PARG: variants seen among roughly 807,000 people sequenced by gnomAD.
PARG encodes poly(ADP-ribose) glycohydrolase, also known as mitochondrial poly(ADP-ribose) glycohydrolase.
Under a neutral mutation model 113.0 loss-of-function variants are expected in PARG, and 35 were observed. The ratio of observed to expected loss-of-function variants is 0.31; its 90% CI spans 0.24 to 0.41. The LOEUF (loss-of-function observed/expected upper bound fraction) is 0.41, where lower values mean the gene tolerates loss of function less well. PARG is among the 10% of genes least tolerant of loss of function. The pLI is 1.00. For missense variants in PARG, 797 were observed against 1,169.4 expected, an observed-to-expected ratio of 0.68 and a Z score of 4.64; for synonymous variants, 330 against 409.9, an observed-to-expected ratio of 0.81 and a Z score of 2.36.
Position 49,842,021 on chromosome 10 carries a change from T to A in PARG, c.2470A>T (p.Ile824Phe). Residue 824 changes from isoleucine (I) to phenylalanine (F), a missense_variant, in exon 15 of 18, where the codon ATC becomes TTC. Physicochemically the swap from Ile to Phe is conservative, Grantham distance 21. Transcript: ENST00000616448. ...WQRRCTEIVA[I>F]DALHFRRYLD... ...TAGCGTCTGAAGTGAAGAGCATCGATGGCAACGATCTCAGTGCAGCGCCGC... is the reference window on the plus strand; with the variant it reads ...TAGCGTCTGAAGTGAAGAGCATCGAAGGCAACGATCTCAGTGCAGCGCCGC... 1 of 1,550,534 alleles carries A rather than the reference T, an allele frequency of 6.4e-7. No homozygotes were observed. Among genetic ancestry groups the A allele is most frequent in the Non-Finnish European group, 8.7e-7 (1 of 1,146,912 alleles).
At chr10:49,834,557 C>T (rs1844824062) in intron 15 of PARG, among the ~76,000 whole-genome samples, 1 of 151,982 alleles carries the variant, frequency 6.6e-6, no homozygotes, top group African/African-American at 2.4e-5. Flanking sequence ...TGAAAAATGG[C>T]CATAAAAACA....
chr10:49,832,728 A>G, intron 16 of PARG, 75 bp downstream of exon 16: 2 of 721,206 alleles, frequency 2.8e-6, no homozygotes, highest in Non-Finnish European at 4.7e-6. Flanking sequence ...ATGACAGGAC[A>G]TGAGAAATCT....
At chr10:49,893,367 C>T (rs1316207334) in intron 7 of PARG, among the ~76,000 whole-genome samples, 3 of 152,136 alleles carry the variant, frequency 2.0e-5, no homozygotes, top group Non-Finnish European at 2.9e-5. Context: ...GTATACCTTC[C>T]TTTGTGAAAT....
chr10:49,889,763 C>T (rs187391405), intron 7 of PARG, among the ~76,000 whole-genome samples: 703 of 152,268 alleles, frequency 4.6e-3, no homozygotes, highest in East Asian at 0.018. Flanking sequence ...GCTACTGCAG[C>T]GCTCTGCTGA....
chr10:49,893,138 AG>A (rs1170503850), intron 7 of PARG, among the ~76,000 whole-genome samples: 5 of 152 alleles, frequency 0.033, no homozygotes, highest in Admixed American at 0.14. Flanking sequence ...GTATATGTTC[AG>A]TTTTTCTAAA....
chr10:49,910,911 A>G (rs1837142376), intron 7 of PARG, among the ~76,000 whole-genome samples: 1 of 152,168 alleles, frequency 6.6e-6, no homozygotes, highest in Non-Finnish European at 1.5e-5. Context: ...CATGCCCTTC[A>G]GTTACTACAG....
intron 10 of PARG, among the ~76,000 whole-genome samples, chr10:49,868,284 G>T (rs1267425026): frequency 3.3e-5 from 5 of 152,202 alleles, no homozygotes; most frequent in Non-Finnish European, 7.3e-5. Context: ...ACCGTGCCTG[G>T]CCTTACGTAG....
intron 16 of PARG, among the ~76,000 whole-genome samples, chr10:49,823,079 A>G (rs1274581754): frequency 1.3e-5 from 2 of 152,196 alleles, no homozygotes; most frequent in Admixed American, 6.5e-5. Flanking sequence ...AGTAAATAAG[A>G]TATCAGTGTA....
chr10:49,842,409 C>A (rs1338568362), intron 14 of PARG, among the ~76,000 whole-genome samples: 1 of 152,154 alleles, frequency 6.6e-6, no homozygotes, highest in Non-Finnish European at 1.5e-5. Flanking sequence ...TAAGGACATG[C>A]CACTTGCATC....
chr10:49,891,624 T>TATATATATATA (rs1491390977), intron 7 of PARG, among the ~76,000 whole-genome samples: 1 of 43,362 alleles, frequency 2.3e-5, no homozygotes, highest in Non-Finnish European at 4.0e-5. Flanking sequence ...TATATATATA[T>TATATATATATA]TTTTTTTTTT....
chr10:49,854,427 C>T (rs1176585638), intron 13 of PARG, among the ~76,000 whole-genome samples: 3 of 152,168 alleles, frequency 2.0e-5, no homozygotes, highest in Non-Finnish European at 4.4e-5. Context: ...CTGGGGCAAA[C>T]AATAGGCTAA....
At chr10:49,906,464 A>C (rs1464174192) in intron 7 of PARG, among the ~76,000 whole-genome samples, 1 of 152,000 alleles carries the variant, frequency 6.6e-6, no homozygotes, top group African/African-American at 2.4e-5. Context: ...AATTGACCTA[A>C]TGTTTGGGTA....
intron 13 of PARG, among the ~76,000 whole-genome samples, chr10:49,844,961 C>T (rs1845436002): frequency 6.6e-6 from 1 of 152,110 alleles, no homozygotes; most frequent in Admixed American, 6.5e-5. Flanking sequence ...AAACTTCACA[C>T]AGGAAGATAT....
chr10:49,841,352 C>T (rs1292431344), intron 15 of PARG, among the ~76,000 whole-genome samples: 1 of 151,982 alleles, frequency 6.6e-6, no homozygotes, highest in South Asian at 2.1e-4. Flanking sequence ...AGCCCAAAAT[C>T]CAGAGAACAG....
chr10:49,931,063 AG>A (rs1331639269), intron 4 of PARG, among the ~76,000 whole-genome samples: 2 of 142,406 alleles, frequency 1.4e-5, no homozygotes, highest in African/African-American at 5.3e-5. Flanking sequence ...GCAGGGAAGG[AG>A]GTTTAATTAT....
intron 3 of PARG, 52 bp from the exon 4 acceptor site, chr10:49,932,335 C>T (rs1453437128): frequency 9.3e-7 from 1 of 1,079,714 alleles, no homozygotes; most frequent in Non-Finnish European, 1.4e-6. Flanking sequence ...GTTTTAATTC[C>T]CTTAGATACA....
At chr10:49,886,173 G>A (rs1246985905) in intron 7 of PARG, among the ~76,000 whole-genome samples, 4 of 152,172 alleles carry the variant, frequency 2.6e-5, no homozygotes, top group Non-Finnish European at 4.4e-5. Context: ...ATCCTACATT[G>A]AGGTCAATTA....
chr10:49,885,567 T>A (rs1209817030), intron 7 of PARG, among the ~76,000 whole-genome samples: 1 of 152,078 alleles, frequency 6.6e-6, no homozygotes, highest in Non-Finnish European at 1.5e-5. Flanking sequence ...ATATCAAATA[T>A]CCCTCACACA....
intron 10 of PARG, among the ~76,000 whole-genome samples, chr10:49,868,141 C>T (rs578070196): frequency 2.6e-4 from 39 of 152,278 alleles, no homozygotes; most frequent in Non-Finnish European, 4.6e-4. Context: ...TCTCCCGCCA[C>T]CGCGCCTGGC....
Sources: allele counts gnomAD v4.1 joint callset (sites outside exome capture counted in the v4.1 genomes callset), GRCh38; gene constraint gnomAD v4.1.1; transcripts MANE v1.5; gene names NCBI Gene and HGNC (gene_info 2026-07-23, HGNC 2026-07-21).